TRAPPC11: variants seen among roughly 807,000 people sequenced by gnomAD.
TRAPPC11 encodes the protein trafficking protein particle complex subunit 11.
In TRAPPC11, 104 loss-of-function variants were observed where a neutral mutation model predicts 151.2. The observed-to-expected ratio is 0.69, with a 90% CI of 0.59 to 0.81. TRAPPC11 has a LOEUF of 0.81. Ranked by LOEUF, TRAPPC11 falls within the 30% of genes least tolerant of loss-of-function variation. TRAPPC11 has a pLI of 0.00. For missense variants in TRAPPC11, 1,230 were observed against 1,349.6 expected (o/e 0.91, Z 1.39); for synonymous variants, 456 against 472.3 (o/e 0.97, Z 0.45).
rs768869745 is a variant in TRAPPC11, at chr4:183,677,417, T to C, written c.735-41T>C. ...AGTGATTTGGTTCTTAGAAATCGTT[T>C]ATTAAACTAATTTATATCATTAACC... On this transcript the variant is annotated intron_variant, in intron 7 of 29. Coordinates refer to ENST00000334690, the MANE Select transcript of TRAPPC11 (RefSeq NM_021942.6). 3 of 1,192,198 alleles carry C rather than the reference T, an allele frequency of 2.5e-6. No individual in the cohort carries two copies. In the Admixed American group the frequency reaches 5.7e-5, roughly 23 times the overall value. 73.9% of individuals were successfully genotyped at this position (1,192,198 alleles called of 1,614,324 possible).
chr4:183,660,857 GCA>G (rs1734456742), intron 1 of TRAPPC11, among the ~76,000 whole-genome samples: 1 of 152,130 alleles, frequency 6.6e-6, no homozygotes, highest in Non-Finnish European at 1.5e-5. Flanking sequence ...GGGACTATAG[GCA>G]CGCATCACCA....
chr4:183,697,097 G>C (rs552296008), intron 23 of TRAPPC11, among the ~76,000 whole-genome samples: 2 of 152,282 alleles, frequency 1.3e-5, no homozygotes, highest in African/African-American at 4.8e-5. Flanking sequence ...TCTGAGGCAA[G>C]AGGATCACTT....
chr4:183,706,256 G>A (rs1460163928), intron 27 of TRAPPC11, among the ~76,000 whole-genome samples: 1 of 152,240 alleles, frequency 6.6e-6, no homozygotes, highest in South Asian at 2.1e-4. Flanking sequence ...GGGCGCGGTG[G>A]CTCACGCCTG....
intron 29 of TRAPPC11, among the ~76,000 whole-genome samples, chr4:183,710,329 C>T (rs1414919791): frequency 6.6e-6 from 1 of 151,694 alleles, no homozygotes; most frequent in African/African-American, 2.4e-5. Context: ...CTCTGTTGCC[C>T]AGGCTGGAGT....
rs543068196 is a variant in TRAPPC11, at chr4:183,712,656, G to C, written c.*12G>C. 2.2e-5 allele frequency: 36 copies of C among 1,613,742 alleles called. No individual in the cohort carries two copies. Among genetic ancestry groups the C allele is most frequent in the Non-Finnish European group, 3.0e-5 (35 of 1,179,840 alleles). On this transcript the variant is annotated 3_prime_UTR_variant, in exon 30 of 30. Transcript: ENST00000334690. ...TTGCTGCTGCATGATGTTCAAGACC[G>C]GCCCTTGGCTGTTGTTACAGAGATG...
chr4:183,684,107 T>C, intron 12 of TRAPPC11, 38 bp from the exon 13 acceptor site: 1 of 1,606,168 alleles, frequency 6.2e-7, no homozygotes, highest in Non-Finnish European at 8.5e-7. Flanking sequence ...AGAAAAATAT[T>C]TGTATTGAAA....
chr4:183,668,394 C>T (rs1734988982), intron 5 of TRAPPC11, among the ~76,000 whole-genome samples: 2 of 152,174 alleles, frequency 1.3e-5, no homozygotes, highest in South Asian at 4.1e-4. Flanking sequence ...ATCCATACCA[C>T]ACACACAAAC....
chr4:183,670,795 T>G (rs1049792487), intron 5 of TRAPPC11, among the ~76,000 whole-genome samples: 1 of 151,080 alleles, frequency 6.6e-6, no homozygotes, highest in Non-Finnish European at 1.5e-5. Flanking sequence ...TGGTTTTTGG[T>G]TTTTTTTTGA....
chr4:183,660,856 G>GGC (rs1734456236), intron 1 of TRAPPC11, among the ~76,000 whole-genome samples: 5 of 152,140 alleles, frequency 3.3e-5, no homozygotes, highest in African/African-American at 7.2e-5. Context: ...TGGGACTATA[G>GGC]GCACGCATCA....
Position 183,686,695 on chromosome 4 carries a change from G to C in TRAPPC11, c.1840G>C (p.Asp614His). The change falls in exon 18 of 30, where the codon GAT becomes CAT. Residue 614 changes from aspartate (D) to histidine (H), a missense_variant. Transcript: ENST00000334690. ...PVQFDIYLKA[D>H]CPHPIRFSKL... is the part of the protein sequence containing the mutation. ...TCAGTTTGATATTTATCTGAAGGCT[G>C]ATTGTCCACATCCCATTAGGTTTTC... 1 of 1,614,108 alleles carries C rather than the reference G, an allele frequency of 6.2e-7. No individual in the cohort carries two copies. Among genetic ancestry groups the C allele is most frequent in the Non-Finnish European group, 8.5e-7 (1 of 1,179,976 alleles).
At chr4:183,662,516 A>T (rs1418674351) in intron 1 of TRAPPC11, among the ~76,000 whole-genome samples, 1 of 152,162 alleles carries the variant, frequency 6.6e-6, no homozygotes, top group Non-Finnish European at 1.5e-5. Context: ...TAGCTAAAGG[A>T]CGCAGTGGAA....
chr4:183,694,585 A>G lies in TRAPPC11; in HGVS notation c.2509-19A>G. On this transcript the variant is annotated intron_variant, in intron 22 of 29. Coordinates refer to ENST00000334690, the MANE Select transcript of TRAPPC11 (RefSeq NM_021942.6). Reference sequence around the variant, plus strand: ...ATGTCTGTAATACTAATTAAATTACAACATTTATTTTGTTACAGCTGGAAA... The same window carrying G: ...ATGTCTGTAATACTAATTAAATTACGACATTTATTTTGTTACAGCTGGAAA... The G allele has an allele frequency of 6.2e-7, 1 of 1,604,494 alleles. No homozygotes were observed. The highest frequency in any genetic ancestry group is 2.2e-5 in the East Asian group (1 of 44,600).
In TRAPPC11 at chr4:183,684,902, T is replaced by C. The variant is rs1735886880; in HGVS notation, c.1567+61T>C. 9.9e-5 allele frequency: 149 copies of C among 1,498,638 alleles called. 6 individuals carry two copies. The South Asian group carries it at 1.7e-3, about 18-fold the overall frequency. 92.8% of individuals were successfully genotyped at this position (1,498,638 alleles called of 1,614,324 possible). ...ATAAAATTATTTAGCATCTTTAAGC[T>C]TTTTAAAATTTAAAGAATAATTTAG... is the stretch of plus-strand genomic sequence containing the variant. On this transcript the variant is annotated intron_variant, in intron 15 of 29. Transcript: ENST00000334690.
chr4:183,673,416 G>A (rs551004336), intron 5 of TRAPPC11, among the ~76,000 whole-genome samples: 1 of 152,270 alleles, frequency 6.6e-6, no homozygotes, highest in Non-Finnish European at 1.5e-5. Flanking sequence ...GTTTATGCCT[G>A]TAATCCCAAT....
intron 27 of TRAPPC11, 89 bp downstream of exon 27, chr4:183,705,159 T>C: frequency 1.1e-6 from 1 of 951,408 alleles, no homozygotes. Flanking sequence ...TAACATTCTA[T>C]TTAGAAAGTT....
At chr4:183,703,010 A>T (rs1428867235) in intron 26 of TRAPPC11, among the ~76,000 whole-genome samples, 1 of 152,232 alleles carries the variant, frequency 6.6e-6, no homozygotes, top group Non-Finnish European at 1.5e-5. Context: ...AACTGGAGGA[A>T]ATTCATGAAA....
chr4:183,662,046 G>A (rs1254939790), intron 1 of TRAPPC11, among the ~76,000 whole-genome samples: 1 of 152,050 alleles, frequency 6.6e-6, no homozygotes, highest in African/African-American at 2.4e-5. Flanking sequence ...TTATAGGCAT[G>A]AGCCACTTGT....
chr4:183,709,379 G>A (rs147524361), intron 29 of TRAPPC11, among the ~76,000 whole-genome samples: 1 of 152,118 alleles, frequency 6.6e-6, no homozygotes, highest in East Asian at 1.9e-4. Flanking sequence ...AATATTCTCT[G>A]TACTCTGCCA....
intron 29 of TRAPPC11, among the ~76,000 whole-genome samples, chr4:183,711,537 T>TA (rs1561068688): frequency 1.3e-5 from 2 of 152,138 alleles, no homozygotes; most frequent in African/African-American, 4.8e-5. Flanking sequence ...CCATCAGTAC[T>TA]AAAAAAACAG....
Sources: allele counts gnomAD v4.1 joint callset (sites outside exome capture counted in the v4.1 genomes callset), GRCh38; gene constraint gnomAD v4.1.1; transcripts MANE v1.5; gene names NCBI Gene and HGNC (gene_info 2026-07-23, HGNC 2026-07-21).